Variants in MYOM3 observed in about 807,000 individuals in gnomAD.
The protein encoded by MYOM3 is myomesin 3.
MYOM3 carries 155 observed loss-of-function variants against 191.7 expected under a neutral mutation model. The ratio of observed to expected loss-of-function variants is 0.81; its 90% CI spans 0.71 to 0.92. The LOEUF is 0.92. Among genes scored for constraint, MYOM3 ranks in the 40% least tolerant of loss-of-function variants. The pLI is 0.00. For synonymous variants in MYOM3, 757 were observed against 762.9 expected (o/e 0.99, Z 0.13); for missense variants, 1,889 against 1,890.6 (o/e 1.00, Z 0.02).
rs183337690 is a variant in MYOM3 at position 24,070,348 on chromosome 1, G to A, written c.3150+769C>T. Among the ~76,000 whole-genome samples the A allele has an allele frequency of 2.0e-4, 31 of 152,260 alleles. No individual in the cohort carries two copies. The East Asian group carries it at 4.8e-3, about 24-fold the overall frequency. On this transcript the variant is annotated intron_variant, in intron 25 of 36. Coordinates refer to ENST00000374434, the MANE Select transcript of MYOM3 (RefSeq NM_152372.4). The stretch of plus-strand genomic sequence containing the variant: ...TATAGTAACATTGCACACTTTGGGA[G>A]GCTGAGGCAGGAGGATTGCCTGAGT...
chr1:24,060,872 A>G (rs1643362018), intron 35 of MYOM3, among the ~76,000 whole-genome samples, 188 bp downstream of exon 35: 1 of 151,970 alleles, frequency 6.6e-6, no homozygotes, highest in Non-Finnish European at 1.5e-5. Context: ...CTTCCACAAC[A>G]CAATCCCAGG....
chr1:24,057,314 C>A lies in MYOM3; in HGVS notation c.*50G>T. 1.3e-6 allele frequency: 2 copies of A among 1,570,818 alleles called. No individual in the cohort carries two copies. The highest frequency in any genetic ancestry group is 1.2e-5 in the South Asian group (1 of 84,986). ...AGGCTGTGACCCTGGTACAGGTTGT[C>A]CCTACTGGTCCATGTAGACTAGACT... is the stretch of plus-strand genomic sequence containing the variant. On this transcript the variant is annotated 3_prime_UTR_variant, in exon 37 of 37. Coordinates refer to ENST00000374434, the MANE Select transcript of MYOM3 (RefSeq NM_152372.4).
At position 24,089,548 on chromosome 1, in the gene MYOM3, G is replaced by T; in HGVS notation, c.1604C>A (p.Ser535Tyr). Residue 535 changes from serine to tyrosine, a missense_variant, in exon 14 of 37, where the codon TCC becomes TAC. By Grantham distance (144) the Ser-to-Tyr change is moderately radical (BLOSUM62 -2). Coordinates refer to ENST00000374434, the MANE Select transcript of MYOM3 (RefSeq NM_152372.4). ...CTCGGGGTTCCCTACCTTCTCCAGG[G>T]AGTACGTCAGTGGTGCTCTGTCCCG... The part of the protein sequence containing the change: ...SPRDRAPLTY[S>Y]LEKSVIGSGT... 1 of 1,601,588 alleles carries T rather than the reference G, an allele frequency of 6.2e-7. No individual in the cohort carries two copies. Among genetic ancestry groups the T allele is most frequent in the Non-Finnish European group, 8.5e-7 (1 of 1,174,556 alleles).
chr1:24,077,286 G>A (rs1430733469), intron 20 of MYOM3, among the ~76,000 whole-genome samples: 1 of 152,186 alleles, frequency 6.6e-6, no homozygotes, highest in African/African-American at 2.4e-5. Flanking sequence ...CCAATCTGAT[G>A]ATGTGTACAT....
In MYOM3 at chr1:24,071,108, C is replaced by G. The variant is rs545205735; in HGVS notation, c.3150+9G>C. 49 of 1,613,290 alleles carry G rather than the reference C, an allele frequency of 3.0e-5. 3 individuals are homozygous for G. In the South Asian group the frequency reaches 5.4e-4, roughly 18 times the overall value. On this transcript the variant is annotated intron_variant, in intron 25 of 36. Transcript: ENST00000374434. Reference sequence around the variant, plus strand: ...AGCCTCACTTCAGGGATTGTGAGCACCCAATTACCGGCGAGCTGAAGATCT... The same window carrying G: ...AGCCTCACTTCAGGGATTGTGAGCAGCCAATTACCGGCGAGCTGAAGATCT...
chr1:24,099,780 G>A lies in MYOM3; in HGVS notation c.561-5C>T. 1 of 1,612,390 alleles carries A rather than the reference G, an allele frequency of 6.2e-7. No individual in the cohort carries two copies. The highest frequency in any genetic ancestry group is 8.5e-7 in the Non-Finnish European group (1 of 1,178,448). Reference sequence around the variant, plus strand: ...ATCCGTGTGTCATTTTTGTACCTGTGGGGACATAGCGGTCTGTGGCAGGCA... The same window carrying A: ...ATCCGTGTGTCATTTTTGTACCTGTAGGGACATAGCGGTCTGTGGCAGGCA... On this transcript the variant is annotated splice_polypyrimidine_tract_variant and splice_region_variant and intron_variant, in intron 5 of 36. Transcript: ENST00000374434.
intron 23 of MYOM3, among the ~76,000 whole-genome samples, chr1:24,072,627 A>T (rs1351664558): frequency 6.6e-6 from 1 of 151,958 alleles, no homozygotes; most frequent in East Asian, 1.9e-4. Context: ...CTCCGCCTCC[A>T]GGGTTCAAGC....
At chr1:24,084,224 T>C (rs988247647) in intron 16 of MYOM3, 2 of 470,220 alleles carry the variant, frequency 4.3e-6, no homozygotes, top group Admixed American at 3.6e-5. Flanking sequence ...TGTTTGGAAG[T>C]GTGTAGCACT....
In MYOM3 at chr1:24,071,270, G is replaced by C. The variant is rs760524137; in HGVS notation, c.3014-17C>G. ...GTTTGATCACTGGGAGGCGCAGGAC[G>C]GGAAGGGGGTGGGTTGGACCCCTTC... On this transcript the variant is annotated splice_polypyrimidine_tract_variant and intron_variant, in intron 24 of 36. Transcript: ENST00000374434. 2 of 1,604,340 alleles carry C rather than the reference G, an allele frequency of 1.2e-6. No individual in the cohort carries two copies. Among genetic ancestry groups the C allele is most frequent in the South Asian group, 1.1e-5 (1 of 89,488 alleles).
At chr1:24,096,470 G>T (rs1259272718) in intron 7 of MYOM3, among the ~76,000 whole-genome samples, 3 of 152,186 alleles carry the variant, frequency 2.0e-5, no homozygotes, top group Non-Finnish European at 2.9e-5. Flanking sequence ...AGGGAGGCAG[G>T]GCCCCAGTCC....
chr1:24,094,089 C>T (rs569355116), intron 9 of MYOM3, among the ~76,000 whole-genome samples: 7 of 152,200 alleles, frequency 4.6e-5, no homozygotes, highest in South Asian at 4.1e-4. Flanking sequence ...ACTGTTGCAG[C>T]CTGCCCTGAG....
intron 28 of MYOM3, chr1:24,066,466 G>A (rs546789639): frequency 1.3e-5 from 7 of 548,366 alleles, no homozygotes; most frequent in Non-Finnish European, 1.3e-5. Context: ...TTCTGGGAGA[G>A]CACCCACCCT....
intron 24 of MYOM3, 140 bp from the exon 25 acceptor site, chr1:24,071,393 G>T: frequency 1.0e-6 from 1 of 996,732 alleles, no homozygotes; most frequent in Non-Finnish European, 1.4e-6. Context: ...ACTGGGTGGG[G>T]CTCAGAGGAG....
In MYOM3 at chr1:24,085,315, TGGA is replaced by T. The variant is rs1643725961; in HGVS notation, c.1799-679_1799-677del. ...ATGGATGGATGGATGGATGGATGGA[TGGA>T]TGGACAGGTGGATACATGGATGAAT... is the stretch of plus-strand genomic sequence containing the variant. On this transcript the variant is annotated intron_variant, in intron 15 of 36. Coordinates refer to ENST00000374434, the MANE Select transcript of MYOM3 (RefSeq NM_152372.4). Among the ~76,000 whole-genome samples the T allele has an allele frequency of 4.1e-5, 6 of 147,474 alleles. No individual in the cohort carries two copies. In the South Asian group the frequency reaches 1.1e-3, roughly 26 times the overall value.
At chr1:24,057,771 G>A (rs935885675) in intron 36 of MYOM3, 144 bp from the exon 37 acceptor site, 34 of 658,250 alleles carry the variant, frequency 5.2e-5, no homozygotes, top group Non-Finnish European at 8.0e-5. Context: ...TTATAAAGGG[G>A]AGAGATTTTA....
intron 35 of MYOM3, 131 bp from the exon 36 acceptor site, chr1:24,059,110 A>T: frequency 1.5e-6 from 1 of 684,136 alleles, no homozygotes; most frequent in Non-Finnish European, 2.5e-6. Context: ...ATTATTTTGG[A>T]TGGAAATCTT....
chr1:24,096,765 G>A (rs1643880305), intron 7 of MYOM3, among the ~76,000 whole-genome samples: 1 of 143,564 alleles, frequency 7.0e-6, no homozygotes, highest in Non-Finnish European at 1.6e-5. Context: ...TGCACACGTG[G>A]GCTTCTCTCT....
At chr1:24,108,304 G>C in intron 2 of MYOM3, 172 bp downstream of exon 2, 1 of 777,884 alleles carries the variant, frequency 1.3e-6, no homozygotes, top group Non-Finnish European at 2.0e-6. Flanking sequence ...CATCACATGG[G>C]GGTCTCCAGA....
chr1:24,108,369 T>TC (rs1362022330), intron 2 of MYOM3, 107 bp downstream of exon 2: 2 of 1,214,500 alleles, frequency 1.6e-6, no homozygotes, highest in Non-Finnish European at 2.2e-6. Flanking sequence ...GGGATGTCCC[T>TC]CCCCCCATCA....
Sources: gnomAD v4.1 joint callset for allele counts (sites outside exome capture counted in the v4.1 genomes callset) on GRCh38, gnomAD v4.1.1 for gene constraint, MANE v1.5 for transcripts, NCBI Gene and HGNC (gene_info 2026-07-23, HGNC 2026-07-21) for gene names.